Variants in CHRM3 observed in about 807,000 individuals in gnomAD.
The protein encoded by CHRM3 is cholinergic receptor muscarinic 3, also known as muscarinic acetylcholine receptor M3.
A neutral mutation model predicts 41.8 loss-of-function variants in CHRM3; 11 were observed. That is an observed-to-expected ratio of 0.26 (90% CI 0.17 to 0.44). The LOEUF (loss-of-function observed/expected upper bound fraction) is 0.44, where lower values mean the gene tolerates loss of function less well. Among genes scored for constraint, CHRM3 ranks in the 20% least tolerant of loss-of-function variants. The pLI is 1.00. For synonymous variants in CHRM3, 297 were observed against 301.4 expected, an observed-to-expected ratio of 0.99 and a Z score of 0.15; for missense variants, 571 against 745.4, an observed-to-expected ratio of 0.77 and a Z score of 2.72.
At chr1:239,780,393 T>A (rs1668424928) in intron 5 of CHRM3, among the ~76,000 whole-genome samples, 1 of 152,240 alleles carries the variant, frequency 6.6e-6, no homozygotes, top group African/African-American at 2.4e-5. Flanking sequence ...GAGCATGTTT[T>A]CCTATGTTTC....
chr1:239,546,268 A>G (rs759105163), intron 3 of CHRM3: 10 of 152,170 alleles, frequency 6.6e-5, no homozygotes, highest in Non-Finnish European at 1.0e-4. Context: ...CAGCTCCAGC[A>G]TTTATCCTCA....
intron 6 of CHRM3, among the ~76,000 whole-genome samples, chr1:239,831,431 A>G (rs1558161646): frequency 6.6e-6 from 1 of 152,162 alleles, no homozygotes; most frequent in Non-Finnish European, 1.5e-5. Flanking sequence ...AAGGCAACAC[A>G]GTGTCACAAT....
At chr1:239,456,819 C>T (rs1229056444) in intron 1 of CHRM3, among the ~76,000 whole-genome samples, 1 of 152,176 alleles carries the variant, frequency 6.6e-6, no homozygotes, top group African/African-American at 2.4e-5. Context: ...TTGCCCTTCC[C>T]CAGAGCATGT....
chr1:239,853,167 G>A (rs935839131), intron 6 of CHRM3, among the ~76,000 whole-genome samples: 1 of 151,630 alleles, frequency 6.6e-6, no homozygotes, highest in Non-Finnish European at 1.5e-5. Flanking sequence ...TAAAGTGTTG[G>A]TCTTATCCTA....
At chr1:239,534,733 T>C (rs986966693) in intron 2 of CHRM3, among the ~76,000 whole-genome samples, 1 of 152,232 alleles carries the variant, frequency 6.6e-6, no homozygotes, top group Non-Finnish European at 1.5e-5. Context: ...AAGGTTATTA[T>C]GAAGATTAAA....
chr1:239,510,166 A>T (rs1039272786), intron 2 of CHRM3, among the ~76,000 whole-genome samples: 3 of 152,230 alleles, frequency 2.0e-5, no homozygotes, highest in Non-Finnish European at 4.4e-5. Context: ...ATATAAAAGA[A>T]GCTGTAGTTG....
chr1:239,800,825 G>A (rs962654896), intron 5 of CHRM3, among the ~76,000 whole-genome samples: 4 of 152,130 alleles, frequency 2.6e-5, no homozygotes, highest in African/African-American at 9.7e-5. Context: ...GATTTATTAT[G>A]AGGCAGAATA....
chr1:239,648,258 TG>T (rs895664132), intron 4 of CHRM3, among the ~76,000 whole-genome samples: 1 of 152,162 alleles, frequency 6.6e-6, no homozygotes, highest in African/African-American at 2.4e-5. Flanking sequence ...AGAGTGTGTG[TG>T]GGATGTCTCT....
chr1:239,446,202 T>C (rs1013765543), intron 1 of CHRM3, among the ~76,000 whole-genome samples: 15 of 152,316 alleles, frequency 9.8e-5, no homozygotes, highest in African/African-American at 3.6e-4. Context: ...CCCAAAGTGT[T>C]GCAATTACAG....
At chr1:239,824,158 C>A (rs949186055) in intron 5 of CHRM3, among the ~76,000 whole-genome samples, 1 of 152,016 alleles carries the variant, frequency 6.6e-6, no homozygotes, top group East Asian at 1.9e-4. Context: ...CATCTTTGTT[C>A]TCTACTCTAA....
intron 5 of CHRM3, among the ~76,000 whole-genome samples, chr1:239,695,863 G>A (rs539316126): frequency 9.7e-4 from 148 of 152,158 alleles, no homozygotes; most frequent in African/African-American, 3.3e-3. Context: ...TGGGGAATAC[G>A]CTCAAAAATT....
At chr1:239,746,355 G>A (rs1031663101) in intron 5 of CHRM3, among the ~76,000 whole-genome samples, 1 of 152,170 alleles carries the variant, frequency 6.6e-6, no homozygotes, top group Non-Finnish European at 1.5e-5. Flanking sequence ...TTAAAACTCT[G>A]TGATACAGGT....
intron 1 of CHRM3, among the ~76,000 whole-genome samples, chr1:239,464,874 C>T (rs74149078): frequency 0.021 from 3,264 of 151,916 alleles, 102 homozygotes; most frequent in African/African-American, 0.074. Flanking sequence ...TTTATGTTTT[C>T]GTTTGAGATG....
chr1:239,617,324 G>A (rs1159978312), intron 3 of CHRM3, among the ~76,000 whole-genome samples: 1 of 152,260 alleles, frequency 6.6e-6, no homozygotes, highest in Non-Finnish European at 1.5e-5. Context: ...TAACCGTCTA[G>A]GTAGTGTCTT....
chr1:239,678,656 A>G (rs1004575451), intron 5 of CHRM3, among the ~76,000 whole-genome samples: 5 of 152,164 alleles, frequency 3.3e-5, no homozygotes, highest in Admixed American at 3.3e-4. Context: ...GTAGTCCAAA[A>G]TTCTTACAGA....
At chr1:239,487,283 G>A (rs1371880940) in intron 1 of CHRM3, among the ~76,000 whole-genome samples, 1 of 151,974 alleles carries the variant, frequency 6.6e-6, no homozygotes, top group South Asian at 2.1e-4. Context: ...TTCAAATTCA[G>A]TATAATATTA....
chr1:239,508,110 GA>G (rs1668691250), intron 2 of CHRM3, among the ~76,000 whole-genome samples: 1 of 152,134 alleles, frequency 6.6e-6, no homozygotes, highest in African/African-American at 2.4e-5. Context: ...CTTTGGAAAT[GA>G]CTAGTAATTA....
intron 3 of CHRM3, among the ~76,000 whole-genome samples, chr1:239,611,471 A>G (rs1402663180): frequency 7.6e-6 from 1 of 132,018 alleles, no homozygotes; most frequent in African/African-American, 2.9e-5. Context: ...GCTAGGCTAG[A>G]GTGCTGTGGC....
intron 3 of CHRM3, among the ~76,000 whole-genome samples, chr1:239,614,405 GTC>G (rs1463600496): frequency 2.0e-5 from 3 of 152,102 alleles, no homozygotes; most frequent in African/African-American, 7.2e-5. Context: ...AATCAAATCA[GTC>G]CCTTAGAACC....
Sources: gnomAD v4.1 joint callset for allele counts (sites outside exome capture counted in the v4.1 genomes callset) on GRCh38, gnomAD v4.1.1 for gene constraint, MANE v1.5 for transcripts, NCBI Gene and HGNC (gene_info 2026-07-23, HGNC 2026-07-21) for gene names.